TMEM123: variants seen among roughly 807,000 people sequenced by gnomAD.
TMEM123 encodes the protein porimin.
TMEM123 carries 16 observed loss-of-function variants against 19.7 expected under a neutral mutation model. The ratio of observed to expected loss-of-function variants is 0.81; its 90% CI spans 0.55 to 1.23. TMEM123 has a LOEUF of 1.23. Among genes scored for constraint, TMEM123 ranks in the 50% most tolerant of loss-of-function variants. TMEM123 has a pLI of 0.00. For missense variants in TMEM123, 313 were observed against 257.8 expected (o/e 1.21, Z -1.47); for synonymous variants, 118 against 99.4 (o/e 1.19, Z -1.12).
chr11:102,407,021 C>T (rs981679914), intron 2 of TMEM123, among the ~76,000 whole-genome samples: 2 of 152,044 alleles, frequency 1.3e-5, no homozygotes, highest in Non-Finnish European at 1.5e-5. Flanking sequence ...AGGAGGATCT[C>T]CCAGGAACCT....
At chr11:102,439,317 A>G (rs1052176872) in intron 2 of TMEM123, among the ~76,000 whole-genome samples, 1 of 152,000 alleles carries the variant, frequency 6.6e-6, no homozygotes, top group African/African-American at 2.4e-5. Context: ...CTGACCCCCG[A>G]GAAGCCTAAC....
At chr11:102,409,868 C>G (rs1251254089) in intron 2 of TMEM123, among the ~76,000 whole-genome samples, 1 of 144,358 alleles carries the variant, frequency 6.9e-6, no homozygotes, top group Non-Finnish European at 1.5e-5. Context: ...CCGTCACAAA[C>G]AAACAAACAA....
intron 2 of TMEM123, among the ~76,000 whole-genome samples, chr11:102,434,556 T>A (rs1349041504): frequency 1.3e-5 from 2 of 151,976 alleles, no homozygotes; most frequent in African/African-American, 4.8e-5. Context: ...CTTCATTCTG[T>A]TGTTTCCTTT....
chr11:102,446,597 TCAAC>T (rs1390606186), intron 2 of TMEM123, among the ~76,000 whole-genome samples: 3 of 152,190 alleles, frequency 2.0e-5, no homozygotes, highest in Non-Finnish European at 4.4e-5. Flanking sequence ...ACAATTGAGT[TCAAC>T]CAACCAAAAA....
In TMEM123 at chr11:102,420,440, T is replaced by C. The variant is rs1384308609; in HGVS notation, c.158-18234A>G. Among the ~76,000 whole-genome samples, 3 of 152,238 alleles carry C rather than the reference T, an allele frequency of 2.0e-5. No individual in the cohort carries two copies. The East Asian group carries it at 5.8e-4, about 29-fold the overall frequency. ...TATTCAAAGAATACTTCAACAGTGC[T>C]CATTCTGCACCGAACGCTGTTCTAA... On this transcript the variant is annotated intron_variant, in intron 2 of 4. Transcript: ENST00000398136.
At chr11:102,411,981 A>G (rs1952009326) in intron 2 of TMEM123, among the ~76,000 whole-genome samples, 1 of 152,094 alleles carries the variant, frequency 6.6e-6, no homozygotes. Flanking sequence ...AGGAAGATCT[A>G]TCTACCACCT....
chr11:102,400,041 A>G (rs908473822), intron 4 of TMEM123, among the ~76,000 whole-genome samples: 1 of 152,154 alleles, frequency 6.6e-6, no homozygotes, highest in Non-Finnish European at 1.5e-5. Flanking sequence ...GTTAGATCCA[A>G]TTTTCATTTA....
intron 2 of TMEM123, among the ~76,000 whole-genome samples, chr11:102,416,280 AAGAG>A (rs569250645): frequency 3.4e-4 from 52 of 152,328 alleles, no homozygotes; most frequent in African/African-American, 1.0e-3. Context: ...ATAAAGAAAA[AAGAG>A]AGAAGAGCCA....
At chr11:102,437,220 A>T (rs561529506) in intron 2 of TMEM123, among the ~76,000 whole-genome samples, 1 of 152,188 alleles carries the variant, frequency 6.6e-6, no homozygotes, top group African/African-American at 2.4e-5. Context: ...CCCACAGGCA[A>T]ATTCAGTGTT....
At position 102,397,876 on chromosome 11, in the gene TMEM123, T is replaced by C. The variant is rs2135838527; in HGVS notation, c.*991A>G. The C allele has an allele frequency of 6.6e-6, 1 of 152,360 alleles. No homozygotes were observed. The highest frequency in any genetic ancestry group is 2.1e-4 in the South Asian group (1 of 4,826). The allele number at this position is 152,360 out of a possible 1,614,324, so 9.4% of individuals were successfully genotyped here. A position where few individuals can be genotyped will look rare whatever the true frequency, so the allele number is the denominator to read the frequency against. Reference sequence around the variant, plus strand: ...TTTTGACTCTATAGAATTCTAAATGTTCTTTTGAAAATCATACAAGCGGTT... The same window carrying C: ...TTTTGACTCTATAGAATTCTAAATGCTCTTTTGAAAATCATACAAGCGGTT... On this transcript the variant is annotated 3_prime_UTR_variant, in exon 5 of 5. Transcript: ENST00000398136.
At chr11:102,421,847 G>T (rs372429426) in intron 2 of TMEM123, among the ~76,000 whole-genome samples, 2 of 151,952 alleles carry the variant, frequency 1.3e-5, no homozygotes, top group Non-Finnish European at 2.9e-5. Flanking sequence ...AAAAAATTTC[G>T]CATGATCTGT....
intron 2 of TMEM123, among the ~76,000 whole-genome samples, chr11:102,418,220 A>C (rs538881143): frequency 6.6e-6 from 1 of 152,320 alleles, no homozygotes; most frequent in African/African-American, 2.4e-5. Context: ...TCTGTACTGC[A>C]AAAGAAACTA....
At chr11:102,441,958 G>A (rs992068536) in intron 2 of TMEM123, among the ~76,000 whole-genome samples, 4 of 152,142 alleles carry the variant, frequency 2.6e-5, no homozygotes, top group Non-Finnish European at 4.4e-5. Flanking sequence ...TAGAAGAAAT[G>A]GATAAATTCC....
rs984721782 is a variant in TMEM123 at position 102,397,724 on chromosome 11, C to T, written c.*1143G>A. On this transcript the variant is annotated 3_prime_UTR_variant, in exon 5 of 5. Transcript: ENST00000398136. ...GGTGTTTGTTTTAGTATAAAAATGT[C>T]ATTTCCCCAAATCTGAGTAATATCG... The T allele has an allele frequency of 6.6e-6, 1 of 152,132 alleles. No homozygotes were observed. Among genetic ancestry groups the T allele is most frequent in the Non-Finnish European group, 1.5e-5 (1 of 68,006 alleles). 9.4% of individuals were successfully genotyped at this position (152,132 alleles called of 1,614,324 possible).
At chr11:102,447,700 A>C (rs1239378912) in intron 2 of TMEM123, among the ~76,000 whole-genome samples, 1 of 152,240 alleles carries the variant, frequency 6.6e-6, no homozygotes, top group Non-Finnish European at 1.5e-5. Context: ...CCACTATTAC[A>C]TTTTGGAGTA....
At chr11:102,440,808 T>C (rs779824931) in intron 2 of TMEM123, among the ~76,000 whole-genome samples, 47 of 152,150 alleles carry the variant, frequency 3.1e-4, no homozygotes, top group Non-Finnish European at 6.0e-4. Context: ...ACCCATCTCA[T>C]GTGCAGACAC....
chr11:102,445,678 T>C (rs141876962), intron 2 of TMEM123, among the ~76,000 whole-genome samples: 6 of 152,338 alleles, frequency 3.9e-5, no homozygotes, highest in South Asian at 2.1e-4. Flanking sequence ...TCCACTGCCT[T>C]CTTCTGTAGA....
chr11:102,429,283 G>T (rs537783025), intron 2 of TMEM123, among the ~76,000 whole-genome samples: 2 of 152,246 alleles, frequency 1.3e-5, no homozygotes, highest in South Asian at 2.1e-4. Context: ...GCAACCAAAT[G>T]ATTTTAACAA....
At position 102,402,031 on chromosome 11, in the gene TMEM123, G is replaced by A. The variant is rs2135841701; in HGVS notation, c.333C>T (p.Thr111=). ...GMVSTNMTST[T]LKSTPKTTSV... is the part of the protein sequence containing the mutation. ...TTGTTGTTTTGGGTGTAGACTTTAA[G>A]GTGGTAGAAGTCATATTTGTTGAGA... The change falls in exon 3 of 5, where the codon ACC becomes ACT. Residue 111 remains threonine, a synonymous_variant. Transcript: ENST00000398136. 2 of 1,613,926 alleles carry A rather than the reference G, an allele frequency of 1.2e-6. No homozygotes were observed. The highest frequency in any genetic ancestry group is 1.7e-6 in the Non-Finnish European group (2 of 1,179,954).
Sources: gnomAD v4.1 joint callset for allele counts (sites outside exome capture counted in the v4.1 genomes callset) on GRCh38, gnomAD v4.1.1 for gene constraint, MANE v1.5 for transcripts, NCBI Gene and HGNC (gene_info 2026-07-23, HGNC 2026-07-21) for gene names.